ESRRG: variants seen among roughly 807,000 people sequenced by gnomAD.
ESRRG encodes estrogen-related receptor gamma.
Under a neutral mutation model 44.0 loss-of-function variants are expected in ESRRG, and 13 were observed. The observed-to-expected ratio is 0.30, with a 90% CI of 0.19 to 0.47. The LOEUF (loss-of-function observed/expected upper bound fraction) is 0.47, where lower values mean the gene tolerates loss of function less well. Ranked by LOEUF, ESRRG falls within the 20% of genes least tolerant of loss-of-function variation. The pLI, the probability that ESRRG is intolerant of heterozygous loss-of-function variation, is 1.00. For synonymous variants in ESRRG, 215 were observed against 214.6 expected, an observed-to-expected ratio of 1.00 and a Z score of -0.02; for missense variants, 395 against 580.6, an observed-to-expected ratio of 0.68 and a Z score of 3.29.
intron 2 of ESRRG, among the ~76,000 whole-genome samples, chr1:216,837,410 C>CAA (rs3072231): frequency 0.013 from 1,858 of 148,294 alleles, 38 homozygotes; most frequent in African/African-American, 0.044. Flanking sequence ...GACTCCGTAT[C>CAA]AAAAAAAAAA....
intron 1 of ESRRG, chr1:216,707,451 C>A: frequency 6.5e-7 from 1 of 1,535,416 alleles, no homozygotes; most frequent in Admixed American, 2.0e-5. Context: ...ATGCACAATT[C>A]CTAATTACAT....
chr1:217,032,716 T>C (rs2082255234), intron 1 of ESRRG, among the ~76,000 whole-genome samples: 1 of 152,204 alleles, frequency 6.6e-6, no homozygotes, highest in South Asian at 2.1e-4. Context: ...ATAGTACATA[T>C]CAGTTTCACA....
intron 5 of ESRRG, among the ~76,000 whole-genome samples, chr1:216,535,721 G>A (rs2050740826): frequency 6.6e-6 from 1 of 151,898 alleles, no homozygotes; most frequent in Non-Finnish European, 1.5e-5. Context: ...TTCTCCTCAA[G>A]TTCCATTCCT....
intron 2 of ESRRG, among the ~76,000 whole-genome samples, chr1:216,757,019 C>G (rs1432938036): frequency 6.6e-6 from 1 of 151,932 alleles, no homozygotes; most frequent in Non-Finnish European, 1.5e-5. Context: ...TAAACTCATT[C>G]CCTCTCCTCA....
At chr1:216,815,966 TTA>T (rs1271608078) in intron 2 of ESRRG, among the ~76,000 whole-genome samples, 3 of 152,270 alleles carry the variant, frequency 2.0e-5, no homozygotes, top group African/African-American at 7.2e-5. Flanking sequence ...AGGAAAATGT[TTA>T]TGATTGCTGG....
At chr1:217,073,208 A>C (rs941662441) in intron 1 of ESRRG, among the ~76,000 whole-genome samples, 776 of 70,018 alleles carry the variant, frequency 0.011, 5 homozygotes, top group South Asian at 0.04. Context: ...AAAAAAAAAA[A>C]AAAAAAAAAA....
At chr1:217,075,576 CA>C (rs919998441) in intron 1 of ESRRG, among the ~76,000 whole-genome samples, 29 of 147,328 alleles carry the variant, frequency 2.0e-4, no homozygotes, top group Admixed American at 1.1e-3. Context: ...ACACTCGCTT[CA>C]AATTGCTCCT....
rs138164970 is a variant in ESRRG, at chr1:216,987,326, T to C, written c.-105-47653A>G. 1.8e-3 allele frequency among the ~76,000 whole-genome samples: 277 copies of C among 152,338 alleles called. 3 individuals are homozygous for C. Among genetic ancestry groups the C allele is most frequent in the African/African-American group, 6.4e-3 (268 of 41,572 alleles). ...TCAGTTTAAAGAAAAGCCATCAACC[T>C]ATGAAGGAATACAATGCTAGTGGCA... On this transcript the variant is annotated intron_variant, in intron 1 of 7. Transcript: ENST00000359162.
At chr1:216,624,244 G>C (rs150514074) in intron 3 of ESRRG, among the ~76,000 whole-genome samples, 1 of 152,172 alleles carries the variant, frequency 6.6e-6, no homozygotes, top group Non-Finnish European at 1.5e-5. Context: ...CTCATTTCCA[G>C]CAATACTGTG....
At position 216,775,551 on chromosome 1, in the gene ESRRG, C is replaced by CTTTTTTT. The variant is rs71163765; in HGVS notation, c.-13-98067_-13-98061dup. Among the ~76,000 whole-genome samples, 135 of 74,818 alleles carry CTTTTTTT rather than the reference C, an allele frequency of 1.8e-3. 28 individuals are homozygous for CTTTTTTT. Among genetic ancestry groups the CTTTTTTT allele is most frequent in the Non-Finnish European group, 2.9e-3 (102 of 35,274 alleles). The allele number at this position is 74,818 out of a possible 152,430, so 49.1% of individuals were successfully genotyped here. Reference sequence around the variant, plus strand: ...TTCCCACCTAAATAAAATGTCACATCTTTTTTTTTTTTTTTTTTTTTTTTT... The same window carrying CTTTTTTT: ...TTCCCACCTAAATAAAATGTCACATCTTTTTTTTTTTTTTTTTTTTTTTTTTTTTTTT... On this transcript the variant is annotated intron_variant, in intron 2 of 7. Coordinates refer to the ESRRG transcript ENST00000359162.
intron 1 of ESRRG, among the ~76,000 whole-genome samples, chr1:217,014,365 G>C (rs1233642122): frequency 6.6e-6 from 1 of 152,028 alleles, no homozygotes; most frequent in Non-Finnish European, 1.5e-5. Flanking sequence ...AAGTGCCCCA[G>C]AATTAATAGG....
intron 1 of ESRRG, among the ~76,000 whole-genome samples, chr1:216,948,088 A>C (rs1029792335): frequency 2.0e-5 from 3 of 152,146 alleles, no homozygotes; most frequent in Admixed American, 6.5e-5. Flanking sequence ...ACTTTATGTG[A>C]AGGAAAAATT....
At chr1:216,753,330 TTTCAA>T (rs750538985) in intron 2 of ESRRG, among the ~76,000 whole-genome samples, 5 of 152,128 alleles carry the variant, frequency 3.3e-5, no homozygotes, top group Non-Finnish European at 7.4e-5. Flanking sequence ...AATTGGATGC[TTTCAA>T]TTAATGTTCA....
chr1:217,123,069 A>G (rs902894908), intron 1 of ESRRG, among the ~76,000 whole-genome samples: 3 of 152,068 alleles, frequency 2.0e-5, no homozygotes, highest in Admixed American at 1.3e-4. Flanking sequence ...TTTGATCCCA[A>G]CTTGATGCAA....
At chr1:216,747,598 T>C (rs558270633) in intron 2 of ESRRG, among the ~76,000 whole-genome samples, 15 of 152,268 alleles carry the variant, frequency 9.9e-5, no homozygotes, top group Admixed American at 2.0e-4. Context: ...CCTTCCAAAA[T>C]AGTTATGATG....
At chr1:216,741,612 G>T (rs1053283106) in intron 2 of ESRRG, among the ~76,000 whole-genome samples, 3 of 152,042 alleles carry the variant, frequency 2.0e-5, no homozygotes, top group African/African-American at 7.2e-5. Flanking sequence ...CTACTTGAAG[G>T]CAGAGACCCT....
chr1:216,586,215 C>T (rs1434724815), intron 3 of ESRRG, among the ~76,000 whole-genome samples: 1 of 152,018 alleles, frequency 6.6e-6, no homozygotes, highest in East Asian at 1.9e-4. Flanking sequence ...ATTGTATAAG[C>T]CCAATTTCTG....
chr1:216,842,811 G>A, intron 2 of ESRRG, among the ~76,000 whole-genome samples: 1 of 152,210 alleles, frequency 6.6e-6, no homozygotes, highest in South Asian at 2.1e-4. Context: ...CTTTGAAGAA[G>A]TAAAAGAGTG....
intron 1 of ESRRG, among the ~76,000 whole-genome samples, chr1:216,684,171 T>C (rs1304264036): frequency 1.3e-5 from 2 of 152,334 alleles, no homozygotes; most frequent in South Asian, 2.1e-4. Context: ...TGGAAGTGAC[T>C]GCTGATTTCC....
Sources: gnomAD v4.1 joint callset for allele counts (sites outside exome capture counted in the v4.1 genomes callset) on GRCh38, gnomAD v4.1.1 for gene constraint, MANE v1.5 for transcripts, NCBI Gene and HGNC (gene_info 2026-07-23, HGNC 2026-07-21) for gene names.